MYO3B: variants seen among roughly 807,000 people sequenced by gnomAD.
MYO3B encodes the protein myosin IIIB.
Under a neutral mutation model 174.6 loss-of-function variants are expected in MYO3B, and 156 were observed. That is an observed-to-expected ratio of 0.89 (90% confidence interval 0.78 to 1.02). The LOEUF (loss-of-function observed/expected upper bound fraction) is 1.02. Ranked by LOEUF, MYO3B falls within the 50% of genes least tolerant of loss-of-function variation. MYO3B has a pLI of 0.00. For missense variants in MYO3B, 1,632 were observed against 1,639.4 expected (o/e 1.00, Z 0.08); for synonymous variants, 563 against 569.1 (o/e 0.99, Z 0.15).
chr2:170,623,274 G>A (rs1559169327), intron 32 of MYO3B, among the ~76,000 whole-genome samples: 1 of 152,200 alleles, frequency 6.6e-6, no homozygotes, highest in Non-Finnish European at 1.5e-5. Context: ...TCTAACTGGT[G>A]TGAGATGGTA....
At chr2:170,527,683 AG>A in intron 30 of MYO3B, among the ~76,000 whole-genome samples, 1 of 152,222 alleles carries the variant, frequency 6.6e-6, no homozygotes, top group Non-Finnish European at 1.5e-5. Context: ...GTTCTGGCCC[AG>A]GTTTGTGTCC....
At chr2:170,370,985 G>A (rs997169097) in intron 9 of MYO3B, among the ~76,000 whole-genome samples, 18 of 151,242 alleles carry the variant, frequency 1.2e-4, no homozygotes, top group Non-Finnish European at 2.4e-4. Flanking sequence ...TTGGGAGGCC[G>A]AGGTGGATGA....
At chr2:170,454,791 G>A (rs1368768648) in intron 23 of MYO3B, among the ~76,000 whole-genome samples, 1 of 152,192 alleles carries the variant, frequency 6.6e-6, no homozygotes, top group African/African-American at 2.4e-5. Flanking sequence ...CAGCTGTGTG[G>A]GAGACCAGAG....
chr2:170,294,300 T>C (rs1311190707), intron 7 of MYO3B, among the ~76,000 whole-genome samples: 1 of 151,414 alleles, frequency 6.6e-6, no homozygotes, highest in Admixed American at 6.6e-5. Context: ...TTTTGGTTTT[T>C]CCCCTCATAA....
intron 32 of MYO3B, among the ~76,000 whole-genome samples, chr2:170,643,090 T>C (rs1374681690): frequency 6.6e-6 from 1 of 152,054 alleles, no homozygotes; most frequent in African/African-American, 2.4e-5. Context: ...TTTTAAAAGT[T>C]GAACAACTGG....
intron 32 of MYO3B, among the ~76,000 whole-genome samples, chr2:170,547,678 T>G (rs1467163325): frequency 6.6e-6 from 1 of 152,238 alleles, no homozygotes; most frequent in Non-Finnish European, 1.5e-5. Context: ...CTGATACTTT[T>G]GTGGAATACA....
At chr2:170,590,555 G>A (rs1364305581) in intron 32 of MYO3B, among the ~76,000 whole-genome samples, 1 of 149,704 alleles carries the variant, frequency 6.7e-6, no homozygotes. Context: ...ACATTTCCTT[G>A]CCCATTACCA....
intron 32 of MYO3B, among the ~76,000 whole-genome samples, chr2:170,634,470 A>C (rs1233734267): frequency 2.8e-5 from 4 of 143,754 alleles, no homozygotes; most frequent in Non-Finnish European, 4.5e-5. Flanking sequence ...AAATTAATTC[A>C]AGATGGATTA....
chr2:170,602,227 A>G (rs114995875), intron 32 of MYO3B: 11,707 of 1,071,594 alleles, frequency 0.011, 86 homozygotes, highest in Non-Finnish European at 0.014. Context: ...TCCTTTGCCC[A>G]TGTTGAGTTA....
chr2:170,491,291 C>G (rs1686450077), intron 25 of MYO3B, among the ~76,000 whole-genome samples: 1 of 151,998 alleles, frequency 6.6e-6, no homozygotes, highest in Non-Finnish European at 1.5e-5. Context: ...GATTTTTTCT[C>G]TGGCCTCTGG....
At chr2:170,586,877 C>T (rs911904058) in intron 32 of MYO3B, among the ~76,000 whole-genome samples, 1 of 152,202 alleles carries the variant, frequency 6.6e-6, no homozygotes, top group Non-Finnish European at 1.5e-5. Context: ...CCTTTTAGAA[C>T]ATAATTCTTC....
intron 7 of MYO3B, among the ~76,000 whole-genome samples, chr2:170,291,733 G>A (rs1239555412): frequency 1.4e-5 from 2 of 146,028 alleles, no homozygotes; most frequent in Middle Eastern, 3.5e-3. Context: ...TTTTCTTAAA[G>A]CACTTTGAAA....
chr2:170,288,265 T>C (rs1425712555), intron 7 of MYO3B, among the ~76,000 whole-genome samples: 1 of 151,824 alleles, frequency 6.6e-6, no homozygotes, highest in Non-Finnish European at 1.5e-5. Context: ...GTGAAGAATG[T>C]CATTGGTATT....
At chr2:170,410,639 C>G (rs1011349064) in intron 22 of MYO3B, among the ~76,000 whole-genome samples, 1 of 145,506 alleles carries the variant, frequency 6.9e-6, no homozygotes, top group African/African-American at 2.5e-5. Context: ...GCAATTAGCT[C>G]AAAGCATAAA....
At chr2:170,190,517 G>A (rs62170833) in intron 1 of MYO3B, among the ~76,000 whole-genome samples, 56,595 of 151,976 alleles carry the variant, frequency 0.37, 10,687 homozygotes, top group African/African-American at 0.41. Context: ...CCTTAGGGAT[G>A]TACCTGGTGC....
intron 32 of MYO3B, among the ~76,000 whole-genome samples, chr2:170,615,741 T>C (rs1219256582): frequency 2.6e-5 from 4 of 152,120 alleles, no homozygotes; most frequent in African/African-American, 4.8e-5. Context: ...TGAGAAATAA[T>C]AGACACACAC....
At chr2:170,485,095 A>C (rs1270110032) in intron 25 of MYO3B, among the ~76,000 whole-genome samples, 2 of 152,156 alleles carry the variant, frequency 1.3e-5, no homozygotes, top group Non-Finnish European at 2.9e-5. Flanking sequence ...TTTCTTTGCC[A>C]TATGACTGGG....
At chr2:170,414,367 T>C (rs2096492720) in intron 22 of MYO3B, among the ~76,000 whole-genome samples, 3 of 152,092 alleles carry the variant, frequency 2.0e-5, no homozygotes, top group Admixed American at 2.0e-4. Context: ...TTTTGCATTT[T>C]TAGTAGAGAT....
intron 32 of MYO3B, among the ~76,000 whole-genome samples, chr2:170,622,488 ACCCCAAG>A (rs1696010144): frequency 6.6e-6 from 1 of 152,184 alleles, no homozygotes. Flanking sequence ...CACAAGCCTT[ACCCCAAG>A]TCCCTGTTAA....
Sources: allele counts gnomAD v4.1 joint callset (sites outside exome capture counted in the v4.1 genomes callset), GRCh38; gene constraint gnomAD v4.1.1; transcripts MANE v1.5; gene names NCBI Gene and HGNC (gene_info 2026-07-23, HGNC 2026-07-21).